The following MGAT4C variants were observed in gnomAD, a reference collection of about 807,000 sequenced individuals.
MGAT4C encodes the protein MGAT4 family member C.
A neutral mutation model predicts 40.1 loss-of-function variants in MGAT4C; 19 were observed. That is an observed-to-expected ratio of 0.47 (90% CI 0.33 to 0.70). The LOEUF is 0.70. MGAT4C is among the 30% of genes least tolerant of loss of function. The pLI, the probability that MGAT4C is intolerant of heterozygous loss-of-function variation, is 0.02. For synonymous variants in MGAT4C, 181 were observed against 187.1 expected, an observed-to-expected ratio of 0.97 and a Z score of 0.27; for missense variants, 491 against 563.2, an observed-to-expected ratio of 0.87 and a Z score of 1.30.
At chr12:86,343,352 C>T (rs78556270) in intron 3 of MGAT4C, among the ~76,000 whole-genome samples, 1 of 152,306 alleles carries the variant, frequency 6.6e-6, no homozygotes, top group African/African-American at 2.4e-5. Context: ...AAACAATATA[C>T]TGATCTGTTA....
At position 86,019,985 on chromosome 12, in the gene MGAT4C, C is replaced by G. The variant is rs959628256; in HGVS notation, c.-7+29689G>C. The stretch of plus-strand genomic sequence containing the variant: ...ATGGGAGTTCACTCATGATTTGGCT[C>G]TCTGTTGGTCTGTTATTGTTGTATA... On this transcript the variant is annotated intron_variant, in intron 2 of 4. Transcript: ENST00000611864. Among the ~76,000 whole-genome samples the G allele has an allele frequency of 6.6e-5, 10 of 152,196 alleles. No homozygotes were observed. In the South Asian group the frequency reaches 2.1e-3, roughly 32 times the overall value.
In MGAT4C at chr12:86,138,584, T is replaced by C. The variant is rs566462140; in HGVS notation, c.-56-88861A>G. On this transcript the variant is annotated intron_variant, in intron 1 of 4. Coordinates refer to ENST00000611864, the MANE Select transcript of MGAT4C (RefSeq NM_001351288.2). ...TATATTTCCATAGATATATCATATA[T>C]ATATTTCCATATATATATTTCCATA... Among the ~76,000 whole-genome samples, 216 of 146,708 alleles carry C rather than the reference T, an allele frequency of 1.5e-3. 1 individual carries two copies. The highest frequency in any genetic ancestry group is 5.2e-3 in the African/African-American group (209 of 40,116).
intron 2 of MGAT4C, among the ~76,000 whole-genome samples, chr12:86,445,880 G>A (rs867615659): frequency 6.6e-6 from 1 of 152,022 alleles, no homozygotes. Context: ...TATCTTTGGG[G>A]TAGACTGAGT....
chr12:86,632,543 G>C (rs913633557), intron 2 of MGAT4C, among the ~76,000 whole-genome samples: 20 of 151,926 alleles, frequency 1.3e-4, no homozygotes, highest in African/African-American at 4.1e-4. Flanking sequence ...TAAGAAAATG[G>C]GCACATATAT....
chr12:86,267,929 A>G (rs1469602880), intron 4 of MGAT4C, among the ~76,000 whole-genome samples: 4 of 152,142 alleles, frequency 2.6e-5, no homozygotes. Flanking sequence ...TTACCAAAAT[A>G]TGACTAACAT....
intron 4 of MGAT4C, among the ~76,000 whole-genome samples, chr12:86,329,935 T>C (rs1302696378): frequency 6.6e-6 from 1 of 152,194 alleles, no homozygotes; most frequent in African/African-American, 2.4e-5. Flanking sequence ...ATCATAGGTG[T>C]TTGTGTGTTT....
rs116463249 is a variant in MGAT4C, at chr12:86,268,538, C to T, written c.-57+65527G>A. 2.4e-3 allele frequency among the ~76,000 whole-genome samples: 365 copies of T among 151,202 alleles called. 1 individual carries two copies. The highest frequency in any genetic ancestry group is 8.1e-3 in the African/African-American group (335 of 41,306). The stretch of plus-strand genomic sequence containing the variant: ...AAACCTACTATCTACCATACTTTTA[C>T]GGACTCATAGATTTTTGAAGGGTCC... On this transcript the variant is annotated intron_variant, in intron 4 of 7. Coordinates refer to the MGAT4C transcript ENST00000548651.
At chr12:86,813,109 T>A (rs931014125) in intron 1 of MGAT4C, among the ~76,000 whole-genome samples, 1 of 152,006 alleles carries the variant, frequency 6.6e-6, no homozygotes, top group Non-Finnish European at 1.5e-5. Context: ...GTCAGCATTG[T>A]CTTTTGCTTG....
intron 2 of MGAT4C, among the ~76,000 whole-genome samples, chr12:86,013,949 T>C (rs978623399): frequency 6.6e-6 from 1 of 152,178 alleles, no homozygotes; most frequent in African/African-American, 2.4e-5. Context: ...AATCCCAGTC[T>C]CAGTTTTTGA....
intron 2 of MGAT4C, among the ~76,000 whole-genome samples, chr12:86,047,174 T>C (rs1413745993): frequency 6.6e-6 from 1 of 152,168 alleles, no homozygotes; most frequent in Admixed American, 6.5e-5. Flanking sequence ...TTCTGCAACA[T>C]TTCTTTATTC....
chr12:86,593,030 A>G lies in MGAT4C; in HGVS notation c.-229+134179T>C, dbSNP rs183249394. On this transcript the variant is annotated intron_variant, in intron 2 of 7. Transcript: ENST00000548651. ...ACTGTTTATAAACTTTTCACTTTGA[A>G]GCTATCTTTTGCCTTGTCTTCCTTT... is the stretch of plus-strand genomic sequence containing the variant. Among the ~76,000 whole-genome samples the G allele has an allele frequency of 3.1e-3, 467 of 152,048 alleles. 1 individual carries two copies. The highest frequency in any genetic ancestry group is 6.8e-3 in the Middle Eastern group (2 of 294).
At chr12:86,223,223 A>G (rs748988631) in intron 1 of MGAT4C, among the ~76,000 whole-genome samples, 1 of 152,194 alleles carries the variant, frequency 6.6e-6, no homozygotes, top group Non-Finnish European at 1.5e-5. Flanking sequence ...AGGAACCAAG[A>G]CATGACCAAA....
intron 2 of MGAT4C, among the ~76,000 whole-genome samples, chr12:86,650,046 T>G (rs879314136): frequency 1.1e-4 from 17 of 151,906 alleles, no homozygotes; most frequent in Non-Finnish European, 1.8e-4. Context: ...AATTCTTAAT[T>G]AAGTCATGCT....
intron 2 of MGAT4C, among the ~76,000 whole-genome samples, chr12:86,037,951 C>T (rs753500818): frequency 6.7e-6 from 1 of 149,106 alleles, no homozygotes; most frequent in Non-Finnish European, 1.5e-5. Context: ...AGACCCAACA[C>T]CAGGTCATGG....
At chr12:86,463,755 G>A (rs1421344492) in intron 2 of MGAT4C, among the ~76,000 whole-genome samples, 1 of 152,088 alleles carries the variant, frequency 6.6e-6, no homozygotes, top group East Asian at 1.9e-4. Context: ...ATACAGTAGA[G>A]ATAACTCTAA....
chr12:86,491,940 C>T (rs1341305142), intron 2 of MGAT4C, among the ~76,000 whole-genome samples: 1 of 152,074 alleles, frequency 6.6e-6, no homozygotes, highest in African/African-American at 2.4e-5. Flanking sequence ...TAAGCAACTT[C>T]AGCAAAGTCT....
At chr12:86,341,058 G>A (rs999264809) in intron 3 of MGAT4C, among the ~76,000 whole-genome samples, 15 of 152,132 alleles carry the variant, frequency 9.9e-5, no homozygotes, top group Non-Finnish European at 1.9e-4. Context: ...AGGAACAAAA[G>A]GGGCAAGTAA....
At chr12:86,367,187 A>G (rs1024945353) in intron 3 of MGAT4C, among the ~76,000 whole-genome samples, 36 of 151,818 alleles carry the variant, frequency 2.4e-4, no homozygotes, top group Non-Finnish European at 3.4e-4. Flanking sequence ...CCTAACTACA[A>G]GCAGAAAGGG....
In MGAT4C at chr12:86,389,210, G is replaced by A. The variant is rs149412240; in HGVS notation, c.-120+45947C>T. On this transcript the variant is annotated intron_variant, in intron 3 of 7. Coordinates refer to the MGAT4C transcript ENST00000548651. ...TCCGTCCTCCCATTCTGCACCCTCT[G>A]GAAGGCCCCATTGTGTGTTGTTTTC... 5.9e-3 allele frequency among the ~76,000 whole-genome samples: 900 copies of A among 152,120 alleles called. 5 individuals are homozygous for A. Among genetic ancestry groups the A allele is most frequent in the Middle Eastern group, 0.014 (4 of 294 alleles).
Sources: allele counts gnomAD v4.1 joint callset (sites outside exome capture counted in the v4.1 genomes callset), GRCh38; gene constraint gnomAD v4.1.1; transcripts MANE v1.5; gene names NCBI Gene and HGNC (gene_info 2026-07-23, HGNC 2026-07-21).